The following PRKG1 variants were observed in gnomAD, a reference collection of about 807,000 sequenced individuals.
PRKG1 encodes the protein protein kinase cGMP-dependent 1.
Under a neutral mutation model 88.1 loss-of-function variants are expected in PRKG1, and 35 were observed. The observed-to-expected ratio is 0.40, with a 90% confidence interval of 0.30 to 0.53. The LOEUF (loss-of-function observed/expected upper bound fraction) is 0.53, where lower values mean the gene tolerates loss of function less well. Among genes scored for constraint, PRKG1 ranks in the 20% least tolerant of loss-of-function variants. The pLI is 0.59. For missense variants in PRKG1, 540 were observed against 839.8 expected, an observed-to-expected ratio of 0.64 and a Z score of 4.41; for synonymous variants, 303 against 292.5, an observed-to-expected ratio of 1.04 and a Z score of -0.37.
At chr10:51,275,691 T>C (rs1840097051) in intron 2 of PRKG1, among the ~76,000 whole-genome samples, 1 of 152,140 alleles carries the variant, frequency 6.6e-6, no homozygotes, top group South Asian at 2.1e-4. Context: ...AAAAGGTACA[T>C]TCCCTGTATA....
intron 2 of PRKG1, among the ~76,000 whole-genome samples, chr10:51,267,796 T>A (rs2170147): frequency 0.28 from 42,044 of 151,994 alleles, 6,042 homozygotes; most frequent in African/African-American, 0.34. Context: ...ACATAAATGA[T>A]TGGGACCTAA....
intron 7 of PRKG1, among the ~76,000 whole-genome samples, chr10:52,072,158 C>CTTTT (rs60576406): frequency 7.6e-5 from 3 of 39,556 alleles, no homozygotes; most frequent in East Asian, 1.2e-3. Context: ...TATTGTTTTG[C>CTTTT]TTTTTTTTTT....
At chr10:51,004,800 G>C (rs918461940) in intron 1 of PRKG1, among the ~76,000 whole-genome samples, 1 of 151,984 alleles carries the variant, frequency 6.6e-6, no homozygotes, top group South Asian at 2.1e-4. Context: ...GGAAAATAAG[G>C]ATAAAACTGT....
chr10:52,178,689 A>T (rs982726340), intron 9 of PRKG1, among the ~76,000 whole-genome samples: 1 of 152,148 alleles, frequency 6.6e-6, no homozygotes, highest in Non-Finnish European at 1.5e-5. Context: ...CATTAAATGC[A>T]TATAGATTTA....
rs145255636 is a variant in PRKG1, at chr10:51,416,395, A to G, written c.479-51328A>G. Among the ~76,000 whole-genome samples, 233 of 152,306 alleles carry G rather than the reference A, an allele frequency of 1.5e-3. 1 individual carries two copies. The highest frequency in any genetic ancestry group is 5.4e-3 in the African/African-American group (226 of 41,558). ...ACATGTTTTGAAGTACCAGCCAAAT[A>G]TAATGAAAACTTCTGGATCTTGATC... On this transcript the variant is annotated intron_variant, in intron 2 of 17. Coordinates refer to ENST00000373980, the MANE Select transcript of PRKG1 (RefSeq NM_006258.4).
At chr10:51,316,107 C>T (rs1841309284) in intron 2 of PRKG1, among the ~76,000 whole-genome samples, 1 of 152,064 alleles carries the variant, frequency 6.6e-6, no homozygotes, top group African/African-American at 2.4e-5. Flanking sequence ...ATTCTGTTTT[C>T]AACAAACTTT....
At chr10:51,596,490 T>C (rs1838452207) in intron 3 of PRKG1, among the ~76,000 whole-genome samples, 1 of 152,178 alleles carries the variant, frequency 6.6e-6, no homozygotes, top group Non-Finnish European at 1.5e-5. Context: ...GGCCTTCCAA[T>C]AGAATGGAAG....
chr10:51,128,036 T>G (rs1201411285), intron 1 of PRKG1, among the ~76,000 whole-genome samples: 2 of 152,168 alleles, frequency 1.3e-5, no homozygotes, highest in Admixed American at 1.3e-4. Flanking sequence ...GATGACAGGT[T>G]GATAGGTGCA....
chr10:51,097,679 A>C (rs1457917922), intron 1 of PRKG1, among the ~76,000 whole-genome samples: 2 of 152,138 alleles, frequency 1.3e-5, no homozygotes, highest in Non-Finnish European at 2.9e-5. Flanking sequence ...CAAGGATTGC[A>C]GTGCCCGCCC....
At chr10:51,391,605 T>G (rs1837404700) in intron 2 of PRKG1, among the ~76,000 whole-genome samples, 1 of 152,232 alleles carries the variant, frequency 6.6e-6, no homozygotes. Context: ...TACCACCTTC[T>G]GAGTTAGGTG....
At chr10:51,123,592 A>G (rs1845318924) in intron 1 of PRKG1, among the ~76,000 whole-genome samples, 2 of 151,930 alleles carry the variant, frequency 1.3e-5, no homozygotes, top group African/African-American at 4.8e-5. Context: ...TGGCTGAGGC[A>G]GGAGAATCAC....
At chr10:52,166,747 C>A (rs1423258347) in intron 9 of PRKG1, among the ~76,000 whole-genome samples, 2 of 138,072 alleles carry the variant, frequency 1.4e-5, no homozygotes, top group Non-Finnish European at 3.1e-5. Flanking sequence ...GAATACTCAG[C>A]AGTTACAGGC....
At chr10:51,896,870 GT>G (rs1051375894) in intron 4 of PRKG1, among the ~76,000 whole-genome samples, 2 of 151,950 alleles carry the variant, frequency 1.3e-5, no homozygotes, top group African/African-American at 4.8e-5. Context: ...CTCAGGAGTG[GT>G]TTGCTTTATT....
At chr10:51,645,928 T>A (rs1030700271) in intron 3 of PRKG1, among the ~76,000 whole-genome samples, 14 of 152,184 alleles carry the variant, frequency 9.2e-5, no homozygotes, top group Non-Finnish European at 1.9e-4. Flanking sequence ...ATTAAAAAAA[T>A]TAATCAGTTT....
chr10:51,182,089 T>C (rs1237545615), intron 2 of PRKG1, among the ~76,000 whole-genome samples: 2 of 152,160 alleles, frequency 1.3e-5, no homozygotes, highest in East Asian at 1.9e-4. Flanking sequence ...AACTTTTTAA[T>C]TGGATAAACA....
At chr10:51,335,076 A>T (rs1165875117) in intron 2 of PRKG1, among the ~76,000 whole-genome samples, 2 of 123,852 alleles carry the variant, frequency 1.6e-5, no homozygotes, top group Admixed American at 1.1e-4. Flanking sequence ...CAGTGGCCCT[A>T]TCTCGGCTCA....
At chr10:51,170,437 TAC>T (rs56159895) in intron 2 of PRKG1, among the ~76,000 whole-genome samples, 62,942 of 144,070 alleles carry the variant, frequency 0.44, 13,137 homozygotes, top group Middle Eastern at 0.48. Flanking sequence ...TGTCTGGGTA[TAC>T]ACACACACAC....
chr10:51,785,729 G>A lies in PRKG1; in HGVS notation c.593-18856G>A, dbSNP rs550666016. 2.0e-5 allele frequency among the ~76,000 whole-genome samples: 3 copies of A among 152,160 alleles called. No individual in the cohort carries two copies. In the South Asian group the frequency reaches 6.2e-4, roughly 32 times the overall value. On this transcript the variant is annotated intron_variant, in intron 3 of 17. Coordinates refer to ENST00000373980, the MANE Select transcript of PRKG1 (RefSeq NM_006258.4). ...CAACATGATGCCATGCTCAATACAT[G>A]TCTGTATTTGAATAAACATGATGGT... is the stretch of plus-strand genomic sequence containing the variant.
At chr10:51,026,057 A>G (rs1299067771) in intron 1 of PRKG1, among the ~76,000 whole-genome samples, 2 of 152,108 alleles carry the variant, frequency 1.3e-5, no homozygotes, top group African/African-American at 4.8e-5. Context: ...ATATAAAAAC[A>G]GAGATTGGGG....
Sources: allele counts gnomAD v4.1 joint callset (sites outside exome capture counted in the v4.1 genomes callset), GRCh38; gene constraint gnomAD v4.1.1; transcripts MANE v1.5; gene names NCBI Gene and HGNC (gene_info 2026-07-23, HGNC 2026-07-21).